Variants in TLE6 observed in about 807,000 individuals in gnomAD.
The protein encoded by TLE6 is TLE family member 6, subcortical maternal complex member.
A neutral mutation model predicts 77.1 loss-of-function variants in TLE6; 72 were observed. The observed-to-expected ratio is 0.93, with a 90% CI of 0.77 to 1.14. TLE6 has a LOEUF of 1.14. Among genes scored for constraint, TLE6 ranks in the 50% most tolerant of loss-of-function variants. The probability of loss-of-function intolerance (pLI) is 0.00; values close to 1 mark genes in which losing one functional copy is unlikely to be tolerated. For missense variants in TLE6, 843 were observed against 747.6 expected (o/e 1.13, Z -1.49); for synonymous variants, 366 against 287.3 (o/e 1.27, Z -2.77).
intron 2 of TLE6, 97 bp from the exon 3 acceptor site, chr19:2,980,003 C>A: frequency 4.8e-6 from 4 of 836,390 alleles, no homozygotes; most frequent in Non-Finnish European, 7.4e-6. Flanking sequence ...ATTACTTTTG[C>A]ACCAACCTAA....
intron 8 of TLE6, 60 bp from the exon 9 acceptor site, chr19:2,987,664 G>A (rs2088946364): frequency 7.5e-6 from 12 of 1,590,018 alleles, no homozygotes; most frequent in South Asian, 1.1e-5. Flanking sequence ...CCAGGAATCC[G>A]AGGTCTTCTG....
At position 2,994,995 on chromosome 19, in the gene TLE6, C is replaced by T; in HGVS notation, c.1710C>T (p.Ile570=). ...GGGAGCACGCCTCCGTGTACCAGAT[C>T]ACCTACTGAGGGGCCTCGCTGCTGT... ...GSGEHASVYQ[I]TY Residue 570 remains isoleucine (I), a synonymous_variant, in exon 17 of 17, where the codon ATC becomes ATT. Transcript: ENST00000246112. 3.7e-6 allele frequency: 6 copies of T among 1,605,676 alleles called. No homozygotes were observed. The highest frequency in any genetic ancestry group is 5.1e-6 in the Non-Finnish European group (6 of 1,176,626).
At chr19:2,986,490 G>A (rs1847344243) in intron 5 of TLE6, among the ~76,000 whole-genome samples, 2 of 152,024 alleles carry the variant, frequency 1.3e-5, no homozygotes, top group South Asian at 4.1e-4. Context: ...GAGGTGGGCA[G>A]ATCACCTGAG....
chr19:2,990,584 C>T (rs965294537), intron 13 of TLE6, among the ~76,000 whole-genome samples: 14 of 147,576 alleles, frequency 9.5e-5, no homozygotes, highest in African/African-American at 2.5e-4. Context: ...CCAGCCTGGG[C>T]GACAGAGCAA....
At chr19:2,981,691 C>A in intron 4 of TLE6, 108 bp downstream of exon 4, 3 of 1,211,774 alleles carry the variant, frequency 2.5e-6, no homozygotes, top group Non-Finnish European at 3.5e-6. Context: ...TTCTTTTCCG[C>A]CAAGCACTGT....
chr19:2,991,156 G>A (rs1355250224), intron 13 of TLE6, among the ~76,000 whole-genome samples: 1 of 151,110 alleles, frequency 6.6e-6, no homozygotes, highest in Non-Finnish European at 1.5e-5. Context: ...CTGAGGTCGG[G>A]AGTTTGAGAC....
At chr19:2,981,618 G>T (rs1022914110) in intron 4 of TLE6, 35 bp downstream of exon 4, 1 of 1,549,852 alleles carries the variant, frequency 6.5e-7, no homozygotes, top group East Asian at 2.4e-5. Flanking sequence ...ACCAAGGAGG[G>T]CCCCACTGGG....
At chr19:2,978,560 G>C (rs1347738768) in intron 2 of TLE6, among the ~76,000 whole-genome samples, 1 of 152,108 alleles carries the variant, frequency 6.6e-6, no homozygotes, top group East Asian at 1.9e-4. Context: ...AACCAGCCTG[G>C]ACAACGTAGT....
At position 2,985,911 on chromosome 19, in the gene TLE6, A is replaced by G. The variant is rs567960561; in HGVS notation, c.223-918A>G. ...GCCAACATGGTGAAACCCTGTCTCC[A>G]CCAAAAATACAAAAATCAGTCTGTG... On this transcript the variant is annotated intron_variant, in intron 5 of 16. Coordinates refer to ENST00000246112, the MANE Select transcript of TLE6 (RefSeq NM_001143986.2). Among the ~76,000 whole-genome samples the G allele has an allele frequency of 1.7e-4, 25 of 146,490 alleles. No homozygotes were observed. The East Asian group carries it at 5.1e-3, about 30-fold the overall frequency.
chr19:2,978,061 C>T (rs182109208), intron 1 of TLE6, 137 bp from the exon 2 acceptor site: 63 of 635,520 alleles, frequency 9.9e-5, no homozygotes, highest in African/African-American at 6.6e-4. Context: ...ACCTAGGGAA[C>T]GCATGGGAGA....
chr19:2,993,393 C>A, intron 14 of TLE6, 39 bp from the exon 15 acceptor site: 1 of 1,569,942 alleles, frequency 6.4e-7, no homozygotes, highest in South Asian at 1.1e-5. Flanking sequence ...CAGGCTGGGA[C>A]CTAACCAGGT....
intron 2 of TLE6, among the ~76,000 whole-genome samples, chr19:2,979,733 G>A (rs1245854242): frequency 6.6e-6 from 1 of 150,480 alleles, no homozygotes; most frequent in African/African-American, 2.4e-5. Flanking sequence ...GAGGTCAGGA[G>A]GTTGAGACCA....
chr19:2,994,056 T>G lies in TLE6; in HGVS notation c.1575T>G (p.Leu525=). 6.2e-7 allele frequency: 1 copy of G among 1,608,854 alleles called. No homozygotes were observed. The highest frequency in any genetic ancestry group is 1.1e-5 in the South Asian group (1 of 89,556). Residue 525 remains leucine (L), a synonymous_variant, in exon 16 of 17, where the codon CTT becomes CTG. Coordinates refer to ENST00000246112, the MANE Select transcript of TLE6 (RefSeq NM_001143986.2). ...CAAGCGTTGGAATGGACGACTTCCT[T>G]GGCGTCTACAGCATGCCGGCGGGGA... ...WWASVGMDDF[L]GVYSMPAGTK...
At chr19:2,986,954 C>T in intron 6 of TLE6, 29 bp from the exon 7 acceptor site, 6 of 1,567,248 alleles carry the variant, frequency 3.8e-6, no homozygotes, top group Non-Finnish European at 5.2e-6. Context: ...ATCCTCAAAG[C>T]TCTCACTGCC....
chr19:2,982,091 C>T, intron 4 of TLE6, 57 bp from the exon 5 acceptor site: 1 of 1,542,456 alleles, frequency 6.5e-7, no homozygotes, highest in Non-Finnish European at 8.8e-7. Flanking sequence ...TGCCCAGGGT[C>T]ACACAGCATT....
intron 11 of TLE6, 65 bp downstream of exon 11, chr19:2,988,193 A>G: frequency 1.3e-6 from 2 of 1,491,310 alleles, no homozygotes; most frequent in East Asian, 2.5e-5. Context: ...TCCTGTCTAT[A>G]CCTCTGTTCC....
At position 2,989,185 on chromosome 19, in the gene TLE6, G is replaced by C. The variant is rs778249399; in HGVS notation, c.865G>C (p.Val289Leu). Residue 289 changes from valine to leucine, a missense_variant, in exon 12 of 17, where the codon GTG becomes CTG. Physicochemically the swap from Val to Leu is conservative, Grantham distance 32. Transcript: ENST00000246112. ...KMRILAHGELVLATAISSFTR... is the reference protein window; with the variant it reads ...KMRILAHGELLLATAISSFTR... ...GCGGATCTTGGCACACGGGGAGCTC[G>C]TGCTCGCCACGGCCATCAGCAGCTT... 6.2e-7 allele frequency: 1 copy of C among 1,614,142 alleles called. No homozygotes were observed. Among genetic ancestry groups the C allele is most frequent in the Admixed American group, 1.7e-5 (1 of 60,024 alleles).
chr19:2,989,720 G>C lies in TLE6; in HGVS notation c.1179G>C (p.Leu393=). 1 of 1,614,238 alleles carries C rather than the reference G, an allele frequency of 6.2e-7. No homozygotes were observed. The highest frequency in any genetic ancestry group is 8.5e-7 in the Non-Finnish European group (1 of 1,180,046). The change falls in exon 13 of 17, where the codon CTG becomes CTC. Residue 393 remains leucine (L), a synonymous_variant. Transcript: ENST00000246112. ...TGGATGCCAACCTGGATGCCAACCTGGCCTTCGCCAGCTTCACCAGTGGTG... is the reference window on the plus strand; with the variant it reads ...TGGATGCCAACCTGGATGCCAACCTCGCCTTCGCCAGCTTCACCAGTGGTG... The part of the protein sequence containing the change: ...QALDANLDAN[L]AFASFTSGVV...
At position 2,986,584 on chromosome 19, in the gene TLE6, T is replaced by G. The variant is rs371278184; in HGVS notation, c.223-245T>G. On this transcript the variant is annotated intron_variant, in intron 5 of 16. Transcript: ENST00000246112. ...CAAAAATTAGCTGGGTGTGGTGGTGTGCACCTGTAATCCCAGCTACTCAGG... is the reference window on the plus strand; with the variant it reads ...CAAAAATTAGCTGGGTGTGGTGGTGGGCACCTGTAATCCCAGCTACTCAGG... Among the ~76,000 whole-genome samples the G allele has an allele frequency of 1.6e-4, 24 of 148,734 alleles. No individual in the cohort carries two copies. In the East Asian group the frequency reaches 3.6e-3, roughly 22 times the overall value.
Sources: gnomAD v4.1 joint callset for allele counts (sites outside exome capture counted in the v4.1 genomes callset) on GRCh38, gnomAD v4.1.1 for gene constraint, MANE v1.5 for transcripts, NCBI Gene and HGNC (gene_info 2026-07-23, HGNC 2026-07-21) for gene names.